The following ULK2 variants were observed in gnomAD, a reference collection of about 807,000 sequenced individuals.
The protein encoded by ULK2 is serine/threonine-protein kinase ULK2.
ULK2 carries 76 observed loss-of-function variants against 127.5 expected under a neutral mutation model. That is an observed-to-expected ratio of 0.60 (90% CI 0.50 to 0.72). The LOEUF (loss-of-function observed/expected upper bound fraction) is 0.72, where lower values mean the gene tolerates loss of function less well. Ranked by LOEUF, ULK2 falls within the 30% of genes least tolerant of loss-of-function variation. The pLI, the probability that ULK2 is intolerant of heterozygous loss-of-function variation, is 0.00. For synonymous variants in ULK2, 452 were observed against 461.9 expected, an observed-to-expected ratio of 0.98 and a Z score of 0.28; for missense variants, 1,144 against 1,295.9, an observed-to-expected ratio of 0.88 and a Z score of 1.80.
At chr17:19,838,941 G>A (rs967044641) in intron 9 of ULK2, among the ~76,000 whole-genome samples, 1 of 151,410 alleles carries the variant, frequency 6.6e-6, no homozygotes, top group African/African-American at 2.4e-5. Context: ...TGAGGCAGGA[G>A]AATGGCATAA....
chr17:19,810,413 G>A lies in ULK2; in HGVS notation c.1122C>T (p.Gly374=). The change falls in exon 14 of 27, where the codon GGC becomes GGT. Residue 374 remains glycine, a synonymous_variant. Coordinates refer to ENST00000395544, the MANE Select transcript of ULK2 (RefSeq NM_014683.4). ...HSCDMPVGTA[G]RRASNEFLVC... ...CCAAGAATTCATTTGAAGCACGTCT[G>A]CCAGCAGTCCCCACTGGCATATCAC... 1.9e-6 allele frequency: 3 copies of A among 1,607,556 alleles called. No individual in the cohort carries two copies. In the South Asian group the frequency reaches 3.3e-5, roughly 18 times the overall value.
chr17:19,838,031 C>T (rs1160128029), intron 10 of ULK2, among the ~76,000 whole-genome samples: 1 of 152,110 alleles, frequency 6.6e-6, no homozygotes, highest in Non-Finnish European at 1.5e-5. Context: ...TGCTCCCAGC[C>T]CTCATCATTT....
intron 16 of ULK2, 58 bp downstream of exon 16, chr17:19,801,719 G>C (rs984969417): frequency 2.5e-6 from 4 of 1,599,918 alleles, no homozygotes; most frequent in Non-Finnish European, 3.4e-6. Context: ...AATGTGTCAT[G>C]TCAGATTTAT....
chr17:19,812,114 T>A (rs1242570929), intron 13 of ULK2, among the ~76,000 whole-genome samples: 1 of 152,126 alleles, frequency 6.6e-6, no homozygotes, highest in Non-Finnish European at 1.5e-5. Context: ...CCAATTTACA[T>A]CACAGAACTC....
intron 20 of ULK2, among the ~76,000 whole-genome samples, chr17:19,790,276 G>C (rs1166375666): frequency 6.6e-6 from 1 of 152,136 alleles, no homozygotes; most frequent in East Asian, 1.9e-4. Flanking sequence ...AATTTGCCAG[G>C]TGTGGTGGCA....
intron 15 of ULK2, among the ~76,000 whole-genome samples, chr17:19,803,536 G>A (rs1459328386): frequency 6.6e-6 from 1 of 152,160 alleles, no homozygotes; most frequent in African/African-American, 2.4e-5. Context: ...TTGACCTCAT[G>A]GACCCTCTGA....
chr17:19,781,244 T>A, intron 23 of ULK2, 140 bp from the exon 24 acceptor site: 2 of 251,354 alleles, frequency 8.0e-6, no homozygotes, highest in Non-Finnish European at 6.6e-6. Context: ...TTTCTTTTCT[T>A]TTTTTTTTTT....
intron 3 of ULK2, among the ~76,000 whole-genome samples, chr17:19,858,130 T>C (rs975409396): frequency 6.6e-5 from 10 of 152,116 alleles, no homozygotes; most frequent in African/African-American, 2.4e-4. Context: ...CCGGGTGTGG[T>C]GGCTCACGCC....
rs2042381815 is a variant in ULK2, at chr17:19,867,532, C to G, written c.-115G>C. The G allele has an allele frequency of 1.6e-6, 1 of 609,426 alleles. No homozygotes were observed. The highest frequency in any genetic ancestry group is 2.3e-6 in the Non-Finnish European group (1 of 425,666). The allele number at this position is 609,426 out of a possible 1,614,324, so 37.8% of individuals were successfully genotyped here. ...CAGCGTGCGGCGGGTCTGGGGCAGC[C>G]GCAGCCCCGGGCCCGGGCGGACTCT... On this transcript the variant is annotated 5_prime_UTR_variant, in exon 1 of 27. Transcript: ENST00000395544.
At chr17:19,808,441 C>T (rs1462547824) in intron 14 of ULK2, among the ~76,000 whole-genome samples, 2 of 152,074 alleles carry the variant, frequency 1.3e-5, no homozygotes, top group Non-Finnish European at 2.9e-5. Context: ...ATGACCTCCT[C>T]AAACTTAAAA....
At chr17:19,798,163 A>AAT (rs1271840342) in intron 17 of ULK2, among the ~76,000 whole-genome samples, 1 of 152,158 alleles carries the variant, frequency 6.6e-6, no homozygotes, top group East Asian at 1.9e-4. Flanking sequence ...AAAATAAACA[A>AAT]ATATATATAA....
intron 14 of ULK2, among the ~76,000 whole-genome samples, chr17:19,806,101 T>A (rs1266078148): frequency 6.6e-6 from 1 of 152,196 alleles, no homozygotes; most frequent in East Asian, 1.9e-4. Context: ...AACCCTCTAC[T>A]ACCACTAAAA....
At chr17:19,849,331 A>G (rs762519281) in intron 5 of ULK2, 38 bp downstream of exon 5, 1 of 1,589,308 alleles carries the variant, frequency 6.3e-7, no homozygotes, top group Non-Finnish European at 8.6e-7. Context: ...AGGCTGCAGC[A>G]CTGTCTTTAC....
At chr17:19,817,178 T>C (rs1191034154) in intron 12 of ULK2, among the ~76,000 whole-genome samples, 1 of 152,204 alleles carries the variant, frequency 6.6e-6, no homozygotes, top group African/African-American at 2.4e-5. Context: ...CGCATGTACT[T>C]GCCTCCCTCT....
At chr17:19,809,156 A>C (rs1222609224) in intron 14 of ULK2, among the ~76,000 whole-genome samples, 1 of 152,208 alleles carries the variant, frequency 6.6e-6, no homozygotes, top group African/African-American at 2.4e-5. Flanking sequence ...ATGCTAAGTG[A>C]AATAAGTCAA....
At chr17:19,779,823 T>TA (rs1279913434) in intron 25 of ULK2, among the ~76,000 whole-genome samples, 1 of 152,136 alleles carries the variant, frequency 6.6e-6, no homozygotes. Flanking sequence ...CTAACTTTCT[T>TA]AAACAGCAGA....
chr17:19,829,554 G>GGGGGC (rs1265325434), intron 10 of ULK2, among the ~76,000 whole-genome samples: 1 of 138,698 alleles, frequency 7.2e-6, no homozygotes, highest in Non-Finnish European at 1.6e-5. Flanking sequence ...AAAAAGGGGG[G>GGGGGC]GGGCTGGGCA....
intron 9 of ULK2, among the ~76,000 whole-genome samples, chr17:19,839,565 G>A (rs2041685901): frequency 6.6e-6 from 1 of 151,518 alleles, no homozygotes; most frequent in African/African-American, 2.4e-5. Flanking sequence ...GAGAGGCTGA[G>A]GCAGGAGAAT....
intron 13 of ULK2, among the ~76,000 whole-genome samples, chr17:19,811,511 G>A (rs529369789): frequency 3.3e-5 from 5 of 151,742 alleles, no homozygotes; most frequent in East Asian, 1.9e-4. Context: ...GCATGATCTC[G>A]GCTCACTGCA....
Sources: gnomAD v4.1 joint callset for allele counts (sites outside exome capture counted in the v4.1 genomes callset) on GRCh38, gnomAD v4.1.1 for gene constraint, MANE v1.5 for transcripts, NCBI Gene and HGNC (gene_info 2026-07-23, HGNC 2026-07-21) for gene names.